The following KLHL5 variants were observed in gnomAD, a reference collection of about 807,000 sequenced individuals.
The protein encoded by KLHL5 is kelch like family member 5.
KLHL5 carries 48 observed loss-of-function variants against 77.7 expected under a neutral mutation model. The ratio of observed to expected loss-of-function variants is 0.62; its 90% CI spans 0.49 to 0.79. The LOEUF is 0.79. Among genes scored for constraint, KLHL5 ranks in the 30% least tolerant of loss-of-function variants. The probability of loss-of-function intolerance (pLI) is 0.00; values close to 1 mark genes in which losing one functional copy is unlikely to be tolerated. For synonymous variants in KLHL5, 260 were observed against 297.0 expected, an observed-to-expected ratio of 0.88 and a Z score of 1.28; for missense variants, 723 against 859.7, an observed-to-expected ratio of 0.84 and a Z score of 1.99.
At chr4:39,135,909 A>G in the KLHL5 span, among the ~76,000 whole-genome samples, 160 of 152,014 alleles carry the variant, frequency 1.1e-3, 1 homozygote, top group Admixed American at 3.6e-3. Context: ...CATCTCAAAA[A>G]ACAAACAAAC....
intron 6 of KLHL5, 84 bp from the exon 7 acceptor site, chr4:39,103,203 T>C: frequency 1.0e-6 from 1 of 964,202 alleles, no homozygotes; most frequent in Non-Finnish European, 1.5e-6. Context: ...GCTAATAAGA[T>C]TATATTTTTG....
Position 39,081,062 on chromosome 4 carries a change from G to A in KLHL5, c.567-41G>A, listed in dbSNP as rs528823906. 2.5e-5 allele frequency: 40 copies of A among 1,570,458 alleles called. No individual in the cohort carries two copies. In the East Asian group the frequency reaches 3.4e-4, roughly 13 times the overall value. On this transcript the variant is annotated intron_variant, in intron 2 of 10. Coordinates refer to ENST00000504108, the MANE Select transcript of KLHL5 (RefSeq NM_015990.5). This position sits in a 1 kb window ranked among gnomAD's most constrained non-coding sequence, Gnocchi z 4.3. Reference sequence around the variant, plus strand: ...AGCATTTATTAATGAACATCAACTCGAATGTGGTCATTGATTTTTTTTTTC... The same window carrying A: ...AGCATTTATTAATGAACATCAACTCAAATGTGGTCATTGATTTTTTTTTTC...
rs79992882 is a variant in KLHL5 at position 39,071,375 on chromosome 4, A to T, written c.384-4590A>T. 2.8e-3 allele frequency among the ~76,000 whole-genome samples: 421 copies of T among 152,320 alleles called. 6 individuals carry two copies. The highest frequency in any genetic ancestry group is 9.6e-3 in the African/African-American group (399 of 41,570). On this transcript the variant is annotated intron_variant, in intron 1 of 10. Transcript: ENST00000504108. ...TTTTTTCCTACTCATAGACAGTATA[A>T]CTTTTATAAATTAATTTGTAAAACT...
At chr4:39,095,662 ATGTC>A (rs1011662698) in intron 5 of KLHL5, among the ~76,000 whole-genome samples, 16 of 151,906 alleles carry the variant, frequency 1.1e-4, no homozygotes, top group Admixed American at 5.9e-4. Flanking sequence ...AACAAAATTG[ATGTC>A]TGTAATAAGG....
chr4:39,135,098 T>C, the KLHL5 span, among the ~76,000 whole-genome samples: 1 of 152,122 alleles, frequency 6.6e-6, no homozygotes, highest in Non-Finnish European at 1.5e-5. Context: ...TCAGAAAGGA[T>C]TGGCTGGTTA....
chr4:39,070,695 T>C (rs988739182), intron 1 of KLHL5, among the ~76,000 whole-genome samples: 2 of 152,224 alleles, frequency 1.3e-5, no homozygotes, highest in African/African-American at 4.8e-5. Flanking sequence ...ATAAACAGCA[T>C]TTAACTCTCT....
chr4:39,073,476 A>AT (rs1404711792), intron 1 of KLHL5, among the ~76,000 whole-genome samples: 2 of 152,194 alleles, frequency 1.3e-5, no homozygotes, highest in Non-Finnish European at 2.9e-5. Flanking sequence ...GAGTCTTAAG[A>AT]AAGACGTACT....
chr4:39,095,569 T>C (rs1390707127), intron 5 of KLHL5, among the ~76,000 whole-genome samples: 2 of 151,948 alleles, frequency 1.3e-5, no homozygotes, highest in African/African-American at 2.4e-5. Flanking sequence ...GGACTTGTTT[T>C]TAGTAGCAGA....
intron 5 of KLHL5, among the ~76,000 whole-genome samples, chr4:39,091,842 GTTTTTTT>G (rs372831946): frequency 4.2e-4 from 22 of 52,428 alleles, no homozygotes; most frequent in African/African-American, 1.3e-3. Context: ...CATCTGACTA[GTTTTTTT>G]TTTTTTTTTT....
rs10536180 is a variant in KLHL5 at position 39,105,737 on chromosome 4, TACACACACACACACACAC to T, written c.1526-1812_1526-1795del. Among the ~76,000 whole-genome samples the T allele has an allele frequency of 2.3e-3, 336 of 146,704 alleles. 1 individual carries two copies. Among genetic ancestry groups the T allele is most frequent in the African/African-American group, 7.6e-3 (301 of 39,540 alleles). Reference sequence around the variant, plus strand: ...ACACATATATGTGTGTATATATGTATACACACACACACACACACACACACACACACACACACATAAAAT... The same window carrying T: ...ACACATATATGTGTGTATATATGTATACACACACACACACACACATAAAAT... On this transcript the variant is annotated intron_variant, in intron 7 of 10. Transcript: ENST00000504108.
intron 4 of KLHL5, 135 bp downstream of exon 4, chr4:39,082,294 C>A: frequency 1.5e-6 from 1 of 688,678 alleles, no homozygotes; most frequent in South Asian, 2.1e-5. Flanking sequence ...CCTAGTGTGT[C>A]ATATTTTCAT....
chr4:39,103,533 C>G, intron 7 of KLHL5, 22 bp downstream of exon 7: 1 of 1,574,704 alleles, frequency 6.4e-7, no homozygotes, highest in East Asian at 2.2e-5. Flanking sequence ...TATGCAGATT[C>G]ACTCAAAATA....
chr4:39,140,122 G>A, the KLHL5 span, among the ~76,000 whole-genome samples: 1,216 of 152,206 alleles, frequency 8.0e-3, 17 homozygotes, highest in African/African-American at 0.028. Context: ...AGCTACTTGG[G>A]GGGGGCTGGG....
At chr4:39,045,071 C>A in exon 1 of KLHL5, 1 of 988,650 alleles carries the variant, frequency 1.0e-6, no homozygotes. Flanking sequence ...CGCCGTGACC[C>A]ACGGCCGCCT....
At position 39,106,523 on chromosome 4, in the gene KLHL5, C is replaced by T. The variant is rs193293199; in HGVS notation, c.1526-1046C>T. ...AGTAGGTATTTGTTGAATAAATTAA[C>T]AAATGAGTCTAGCTCAGCTCCGTGC... On this transcript the variant is annotated intron_variant, in intron 7 of 10. Coordinates refer to ENST00000504108, the MANE Select transcript of KLHL5 (RefSeq NM_015990.5). Among the ~76,000 whole-genome samples the T allele has an allele frequency of 4.1e-3, 628 of 152,266 alleles. 2 individuals are homozygous for T. Among genetic ancestry groups the T allele is most frequent in the Non-Finnish European group, 5.9e-3 (402 of 68,026 alleles).
intron 5 of KLHL5, among the ~76,000 whole-genome samples, chr4:39,088,571 G>C (rs1475902572): frequency 6.6e-6 from 1 of 152,028 alleles, no homozygotes; most frequent in Non-Finnish European, 1.5e-5. Context: ...AAATTGCTGG[G>C]GGTGGCAGGG....
intron 9 of KLHL5, 80 bp from the exon 10 acceptor site, chr4:39,115,079 G>T: frequency 8.0e-7 from 1 of 1,253,574 alleles, no homozygotes; most frequent in South Asian, 1.3e-5. Context: ...TGAGTCAGAA[G>T]ATAGACTTGA....
At chr4:39,073,067 T>C (rs1029607745) in intron 1 of KLHL5, among the ~76,000 whole-genome samples, 1 of 152,196 alleles carries the variant, frequency 6.6e-6, no homozygotes, top group Non-Finnish European at 1.5e-5. Context: ...TATAAATATA[T>C]ATAATTGTTA....
In KLHL5 at chr4:39,062,337, G is replaced by C. The variant is rs1395364047; in HGVS notation, c.-316G>C. The C allele has an allele frequency of 9.9e-6, 14 of 1,412,660 alleles. No homozygotes were observed. In the African/African-American group the frequency reaches 2.0e-4, roughly 20 times the overall value. The allele number at this position is 1,412,660 out of a possible 1,614,324, so 87.5% of individuals were successfully genotyped here. A position where few individuals can be genotyped will look rare whatever the true frequency, so the allele number is the denominator to read the frequency against. On this transcript the variant is annotated 5_prime_UTR_variant, in exon 1 of 11. Coordinates refer to ENST00000504108, the MANE Select transcript of KLHL5 (RefSeq NM_015990.5). ...TTTAATGAATGCTGTCAGTGTTTGT[G>C]AGACCTAATGGTCAGTATGGGAAAG...
Sources: gnomAD v4.1 joint callset for allele counts (sites outside exome capture counted in the v4.1 genomes callset) on GRCh38, gnomAD v4.1.1 for gene constraint, Gnocchi (gnomAD v3.1) non-coding constraint, MANE v1.5 for transcripts, NCBI Gene and HGNC (gene_info 2026-07-23, HGNC 2026-07-21) for gene names.